The following RAB11FIP5 variants were observed in gnomAD, a reference collection of about 807,000 sequenced individuals.
RAB11FIP5 encodes rab11 family-interacting protein 5.
A neutral mutation model predicts 85.1 loss-of-function variants in RAB11FIP5; 48 were observed. The ratio of observed to expected loss-of-function variants is 0.56; its 90% CI spans 0.45 to 0.72. RAB11FIP5 has a LOEUF of 0.72. Among genes scored for constraint, RAB11FIP5 ranks in the 30% least tolerant of loss-of-function variants. The pLI is 0.00. For missense variants in RAB11FIP5, 1,491 were observed against 1,687.0 expected (o/e 0.88, Z 2.04); for synonymous variants, 729 against 727.3 (o/e 1.00, Z -0.04).
Position 73,089,358 on chromosome 2 carries a change from G to A in RAB11FIP5, c.432-43C>T. ...CAGGCAGAACTCAGTCACGGGCCCA[G>A]GGAGCCTGGCTCCCGCCCGGTACCA... is the stretch of plus-strand genomic sequence containing the variant. On this transcript the variant is annotated intron_variant, in intron 1 of 5. Coordinates refer to ENST00000486777, the MANE Select transcript of RAB11FIP5 (RefSeq NM_001371272.1). The surrounding 1 kb of genome is among the most constrained non-coding windows in gnomAD (Gnocchi z 4.6). The A allele has an allele frequency of 6.2e-7, 1 of 1,601,170 alleles. No homozygotes were observed. The highest frequency in any genetic ancestry group is 8.5e-7 in the Non-Finnish European group (1 of 1,174,738).
intron 1 of RAB11FIP5, among the ~76,000 whole-genome samples, chr2:73,103,490 T>C (rs1244701878): frequency 6.6e-6 from 1 of 151,126 alleles, no homozygotes; most frequent in Non-Finnish European, 1.5e-5. Context: ...ACAGAAAAGA[T>C]GTAGGGTTGA....
intron 1 of RAB11FIP5, among the ~76,000 whole-genome samples, chr2:73,094,452 A>G (rs925882060): frequency 6.6e-6 from 1 of 152,250 alleles, no homozygotes; most frequent in African/African-American, 2.4e-5. Flanking sequence ...CCACAGCTGT[A>G]GCACCCAAAC....
chr2:73,108,357 T>C (rs1684570992), intron 1 of RAB11FIP5, among the ~76,000 whole-genome samples: 1 of 152,180 alleles, frequency 6.6e-6, no homozygotes, highest in Non-Finnish European at 1.5e-5. Flanking sequence ...ACTCCAGGCC[T>C]TACCGCAGGG....
chr2:73,112,221 C>T, intron 1 of RAB11FIP5, 126 bp downstream of exon 1: 1 of 1,116,316 alleles, frequency 9.0e-7, no homozygotes, highest in African/African-American at 1.7e-5. Context: ...ACGTTTCTGT[C>T]GGTTTACGCC....
chr2:73,104,819 AC>A (rs1425262655), intron 1 of RAB11FIP5, among the ~76,000 whole-genome samples: 1 of 151,578 alleles, frequency 6.6e-6, no homozygotes, highest in African/African-American at 2.4e-5. Context: ...TCTTCTCCTG[AC>A]CCCCTCATTC....
intron 1 of RAB11FIP5, among the ~76,000 whole-genome samples, chr2:73,097,740 T>A (rs1684349388): frequency 6.6e-6 from 1 of 152,180 alleles, no homozygotes; most frequent in Non-Finnish European, 1.5e-5. Flanking sequence ...AAAGGGAGGT[T>A]TCCAGAATGA....
intron 1 of RAB11FIP5, among the ~76,000 whole-genome samples, chr2:73,100,433 T>G (rs1408301973): frequency 6.7e-6 from 1 of 150,374 alleles, no homozygotes; most frequent in African/African-American, 2.5e-5. Context: ...TGGTTTTTTT[T>G]TTTTTTTTTT....
At chr2:73,100,430 T>C (rs1684407128) in intron 1 of RAB11FIP5, among the ~76,000 whole-genome samples, 1 of 150,076 alleles carries the variant, frequency 6.7e-6, no homozygotes, top group Non-Finnish European at 1.5e-5. Flanking sequence ...TTGTGGTTTT[T>C]TTTTTTTTTT....
chr2:73,111,948 C>A (rs528712825), intron 1 of RAB11FIP5, among the ~76,000 whole-genome samples: 6 of 152,316 alleles, frequency 3.9e-5, no homozygotes, highest in Admixed American at 2.0e-4. Flanking sequence ...ACTCCCCTGC[C>A]GGACAGGCGC....
chr2:73,101,452 T>C (rs1406186573), intron 1 of RAB11FIP5, among the ~76,000 whole-genome samples: 1 of 152,090 alleles, frequency 6.6e-6, no homozygotes, highest in Non-Finnish European at 1.5e-5. Flanking sequence ...TATTAAGGAA[T>C]TGTTGATTTT....
intron 3 of RAB11FIP5, among the ~76,000 whole-genome samples, chr2:73,085,863 A>T (rs1331755871): frequency 6.6e-6 from 1 of 152,108 alleles, no homozygotes. Flanking sequence ...CTGCAATGGT[A>T]GCCCCAAGGC....
chr2:73,104,796 C>T (rs1684492065), intron 1 of RAB11FIP5, among the ~76,000 whole-genome samples: 1 of 152,206 alleles, frequency 6.6e-6, no homozygotes, highest in African/African-American at 2.4e-5. Flanking sequence ...ATCACTCCAA[C>T]TGGTGAGCTC....
chr2:73,082,976 G>A (rs1315180582), intron 3 of RAB11FIP5, among the ~76,000 whole-genome samples: 1 of 152,206 alleles, frequency 6.6e-6, no homozygotes, highest in East Asian at 1.9e-4. Flanking sequence ...CCTCATGGCT[G>A]GTCTCCCAGG....
At chr2:73,085,495 C>A (rs761461843) in intron 3 of RAB11FIP5, among the ~76,000 whole-genome samples, 1 of 152,166 alleles carries the variant, frequency 6.6e-6, no homozygotes, top group East Asian at 1.9e-4. Flanking sequence ...CTCAAACACA[C>A]GTGAAGTAGC....
chr2:73,090,285 C>T (rs974009086), intron 1 of RAB11FIP5, among the ~76,000 whole-genome samples: 3 of 152,198 alleles, frequency 2.0e-5, no homozygotes, highest in Non-Finnish European at 4.4e-5. Flanking sequence ...GGCCACCACA[C>T]AGGGTGGCTG....
At chr2:73,095,426 T>C (rs983353904) in intron 1 of RAB11FIP5, among the ~76,000 whole-genome samples, 1 of 152,124 alleles carries the variant, frequency 6.6e-6, no homozygotes, top group African/African-American at 2.4e-5. Flanking sequence ...ATACCCAAAG[T>C]GTAGGTGGAC....
At chr2:73,092,717 C>T (rs576346702) in intron 1 of RAB11FIP5, among the ~76,000 whole-genome samples, 10 of 152,252 alleles carry the variant, frequency 6.6e-5, no homozygotes, top group South Asian at 2.1e-4. Flanking sequence ...CAAGGAAGCA[C>T]GGAAGGAAAA....
Position 73,089,959 on chromosome 2 carries a change from C to T in RAB11FIP5, c.432-644G>A, listed in dbSNP as rs1321370537. 1.3e-5 allele frequency among the ~76,000 whole-genome samples: 2 copies of T among 152,038 alleles called. No individual in the cohort carries two copies. The highest frequency in any genetic ancestry group is 2.9e-5 in the Non-Finnish European group (2 of 68,012). ...TCACCCCAAGCCCTGTCAGGAATAC[C>T]TCTACAAGATGCAGGAACAGACAAG... On this transcript the variant is annotated intron_variant, in intron 1 of 5. Coordinates refer to ENST00000486777, the MANE Select transcript of RAB11FIP5 (RefSeq NM_001371272.1). The surrounding 1 kb of genome is among the most constrained non-coding windows in gnomAD (Gnocchi z 4.6).
intron 4 of RAB11FIP5, 86 bp downstream of exon 4, chr2:73,079,565 G>A: frequency 8.2e-7 from 1 of 1,222,664 alleles, no homozygotes; most frequent in Non-Finnish European, 1.0e-6. Context: ...GATGAGACTG[G>A]AGTGTGAACC....
Sources: gnomAD v4.1 joint callset for allele counts (sites outside exome capture counted in the v4.1 genomes callset) on GRCh38, gnomAD v4.1.1 for gene constraint, Gnocchi (gnomAD v3.1) non-coding constraint, MANE v1.5 for transcripts, NCBI Gene and HGNC (gene_info 2026-07-23, HGNC 2026-07-21) for gene names.